Variants in SEMA4B observed in about 807,000 individuals in gnomAD.
SEMA4B encodes the protein semaphorin 4B.
Under a neutral mutation model 88.1 loss-of-function variants are expected in SEMA4B, and 55 were observed. The ratio of observed to expected loss-of-function variants is 0.62; its 90% CI spans 0.50 to 0.78. The LOEUF is 0.78. Ranked by LOEUF, SEMA4B falls within the 30% of genes least tolerant of loss-of-function variation. SEMA4B has a pLI of 0.00. For missense variants in SEMA4B, 1,062 were observed against 1,111.9 expected (o/e 0.96, Z 0.64); for synonymous variants, 525 against 473.6 (o/e 1.11, Z -1.41).
chr15:90,195,126 G>T (rs114509348), intron 1 of SEMA4B, among the ~76,000 whole-genome samples: 3,262 of 151,282 alleles, frequency 0.022, 113 homozygotes, highest in African/African-American at 0.074. Context: ...TTTAGACAGG[G>T]TCTCATTCTG....
chr15:90,201,255 G>GGGAAGGA, upstream of SEMA4B: 1 of 1,019,448 alleles, frequency 9.8e-7, no homozygotes, highest in Non-Finnish European at 1.2e-6. Context: ...GCCAGCGCCC[G>GGGAAGGA]GGAAGGAGGA....
rs977628797 is a variant in SEMA4B at position 90,201,744 on chromosome 15, C to T, written c.157+9C>T. On this transcript the variant is annotated intron_variant, in intron 1 of 13. Transcript: ENST00000411539. ...GATCAGCCTGCCTCTGGGTGAGTGC[C>T]GGGGACCCGGGGACGCGGGCCGGGG... 1.4e-6 allele frequency: 2 copies of T among 1,394,610 alleles called. No homozygotes were observed. Among genetic ancestry groups the T allele is most frequent in the East Asian group, 3.0e-5 (1 of 33,116 alleles). The allele number at this position is 1,394,610 out of a possible 1,614,324, so 86.4% of individuals were successfully genotyped here. A position where few individuals can be genotyped will look rare whatever the true frequency, so the allele number is the denominator to read the frequency against.
intron 1 of SEMA4B, among the ~76,000 whole-genome samples, chr15:90,216,300 C>T (rs965399951): frequency 6.6e-6 from 1 of 152,144 alleles, no homozygotes; most frequent in African/African-American, 2.4e-5. Flanking sequence ...AAAATACTTA[C>T]ACCACTATTT....
intron 1 of SEMA4B, among the ~76,000 whole-genome samples, chr15:90,187,041 G>A (rs1450195823): frequency 6.6e-6 from 1 of 152,214 alleles, no homozygotes; most frequent in Non-Finnish European, 1.5e-5. Context: ...GTGCCTTGGG[G>A]AGAGCTGAGT....
chr15:90,221,169 A>G, intron 5 of SEMA4B, 76 bp downstream of exon 5: 1 of 1,188,134 alleles, frequency 8.4e-7, no homozygotes, highest in Non-Finnish European at 1.2e-6. Context: ...AGCTTTGGAC[A>G]GGCTGAGTCC....
upstream of SEMA4B, among the ~76,000 whole-genome samples, chr15:90,198,169 G>A (rs780573860): frequency 4.6e-5 from 7 of 151,720 alleles, no homozygotes; most frequent in African/African-American, 1.5e-4. Context: ...CGCCTGCCTC[G>A]GCCTCCTAAA....
intron 1 of SEMA4B, among the ~76,000 whole-genome samples, chr15:90,191,672 G>A (rs1291098472): frequency 6.6e-6 from 1 of 152,212 alleles, no homozygotes; most frequent in East Asian, 1.9e-4. Flanking sequence ...ACTTCCAGGA[G>A]CAAGAAAAAC....
upstream of SEMA4B, among the ~76,000 whole-genome samples, chr15:90,198,638 G>GA (rs1960593148): frequency 6.6e-6 from 1 of 152,188 alleles, no homozygotes; most frequent in Non-Finnish European, 1.5e-5. Flanking sequence ...TATCTAGGGG[G>GA]AGAGTGTGCC....
At position 90,212,290 on chromosome 15, in the gene SEMA4B, A is replaced by G. The variant is rs796758078; in HGVS notation, c.158-5149A>G. 4.6e-5 allele frequency among the ~76,000 whole-genome samples: 7 copies of G among 152,136 alleles called. No individual in the cohort carries two copies. The highest frequency in any genetic ancestry group is 1.7e-4 in the African/African-American group (7 of 41,428). On this transcript the variant is annotated intron_variant, in intron 1 of 13. Coordinates refer to ENST00000411539, the MANE Select transcript of SEMA4B (RefSeq NM_198925.4). This position sits in a 1 kb window ranked among gnomAD's most constrained non-coding sequence, Gnocchi z 4.0. ...CCCCGGTCTGCCTTTTTGAAGGATG[A>G]TCTGCCTAGTGGGATGCACTGGCCT...
Position 90,188,421 on chromosome 15 carries a change from G to A in SEMA4B, c.-122+3340G>A, listed in dbSNP as rs371771818. ...GGTGGGCGGATCACCTGAGGTCAGG[G>A]GTTCAAGACCAGGCTGGCCAACATG... On this transcript the variant is annotated intron_variant, in intron 1 of 14. Transcript: ENST00000332496. Among the ~76,000 whole-genome samples the A allele has an allele frequency of 8.9e-4, 134 of 149,994 alleles. 4 individuals are homozygous for A. The South Asian group carries it at 0.028, about 31-fold the overall frequency.
rs766217615 is a variant in SEMA4B at position 90,223,905 on chromosome 15, A to G, written c.1111A>G (p.Ser371Gly). The G allele has an allele frequency of 1.1e-5, 18 of 1,613,922 alleles. No individual in the cohort carries two copies. Among genetic ancestry groups the G allele is most frequent in the Non-Finnish European group, 1.4e-5 (16 of 1,179,884 alleles). ...AATGAAGGATGTGCAGAGAGTCTTC[A>G]GCGGCCTCTACAAGGAGGTGAACCG... ...FTMKDVQRVF[S>G]GLYKEVNRET... is the part of the protein sequence containing the mutation. The change falls in exon 9 of 14, where the codon AGC becomes GGC. Residue 371 changes from serine (S) to glycine (G), a missense_variant. Transcript: ENST00000411539.
At chr15:90,213,196 C>T (rs1961358140) in intron 1 of SEMA4B, among the ~76,000 whole-genome samples, 1 of 152,168 alleles carries the variant, frequency 6.6e-6, no homozygotes, top group Admixed American at 6.5e-5. Context: ...CCCCATTTTA[C>T]AGATAAGGAA....
Position 90,217,458 on chromosome 15 carries a change from C to T in SEMA4B, c.177C>T (p.Phe59=). The T allele has an allele frequency of 6.2e-7, 1 of 1,613,582 alleles. No homozygotes were observed. The highest frequency in any genetic ancestry group is 8.5e-7 in the Non-Finnish European group (1 of 1,179,722). ...SLPLGSEERP[F]LRFEAEHISN... ...CCCCAGGCTCTGAAGAGCGGCCATT[C>T]CTCAGATTCGAAGCTGAACACATCT... Residue 59 remains phenylalanine, a synonymous_variant, in exon 2 of 14, where the codon TTC becomes TTT. Transcript: ENST00000411539.
intron 1 of SEMA4B, among the ~76,000 whole-genome samples, chr15:90,209,707 C>A (rs1961167334): frequency 1.3e-5 from 2 of 152,158 alleles, no homozygotes; most frequent in Admixed American, 1.3e-4. Context: ...AGGGCCCTTG[C>A]CCAGCCGGGG....
At chr15:90,191,703 A>G (rs1453861293) in intron 1 of SEMA4B, among the ~76,000 whole-genome samples, 1 of 152,174 alleles carries the variant, frequency 6.6e-6, no homozygotes, top group East Asian at 1.9e-4. Flanking sequence ...TAGCGGGGAA[A>G]ATGGTTTGGG....
chr15:90,222,315 A>G (rs1596154395), intron 7 of SEMA4B, among the ~76,000 whole-genome samples: 1 of 148,078 alleles, frequency 6.8e-6, no homozygotes, highest in Non-Finnish European at 1.5e-5. Flanking sequence ...CACGCCTGTA[A>G]TCCCAGCACT....
chr15:90,209,655 C>T (rs1340170146), intron 1 of SEMA4B, among the ~76,000 whole-genome samples: 4 of 152,120 alleles, frequency 2.6e-5, no homozygotes, highest in African/African-American at 9.7e-5. Flanking sequence ...GTCACCAGTG[C>T]ACTACAAGAC....
Position 90,194,424 on chromosome 15 carries a change from C to T in SEMA4B, c.-121-7034C>T, listed in dbSNP as rs191779491. On this transcript the variant is annotated intron_variant, in intron 1 of 14. Coordinates refer to the SEMA4B transcript ENST00000332496. ...GCGCATGTTTGTAATCCCAGCTACT[C>T]GGGAGGCTGAGGCAGGAGAATCGCT... 5.0e-4 allele frequency among the ~76,000 whole-genome samples: 76 copies of T among 151,934 alleles called. No homozygotes were observed. In the East Asian group the frequency reaches 0.013, roughly 25 times the overall value.
chr15:90,189,963 AG>A (rs1960296429), intron 1 of SEMA4B, among the ~76,000 whole-genome samples: 1 of 152,206 alleles, frequency 6.6e-6, no homozygotes, highest in Admixed American at 6.5e-5. Flanking sequence ...CCGTCTTTCA[AG>A]GGGTTTGTGG....
Sources: allele counts gnomAD v4.1 joint callset (sites outside exome capture counted in the v4.1 genomes callset), GRCh38; gene constraint gnomAD v4.1.1; non-coding constraint Gnocchi (gnomAD v3.1); transcripts MANE v1.5; gene names NCBI Gene and HGNC (gene_info 2026-07-23, HGNC 2026-07-21).